The following SUGT1 variants were observed in gnomAD, a reference collection of about 807,000 sequenced individuals.
SUGT1 encodes protein SGT1 homolog.
SUGT1 carries 15 observed loss-of-function variants against 56.1 expected under a neutral mutation model. The observed-to-expected ratio is 0.27, with a 90% CI of 0.18 to 0.41. SUGT1 has a LOEUF of 0.41. Among genes scored for constraint, SUGT1 ranks in the 10% least tolerant of loss-of-function variants. The probability of loss-of-function intolerance (pLI) is 1.00; values close to 1 mark genes in which losing one functional copy is unlikely to be tolerated. For synonymous variants in SUGT1, 123 were observed against 128.6 expected (o/e 0.96, Z 0.30); for missense variants, 347 against 382.2 (o/e 0.91, Z 0.77).
chr13:52,695,275 A>G lies in SUGT1; in HGVS notation c.*7440A>G, dbSNP rs1365943428. 6.6e-6 allele frequency: 1 copy of G among 152,138 alleles called. No homozygotes were observed. Among genetic ancestry groups the G allele is most frequent in the Non-Finnish European group, 1.5e-5 (1 of 68,006 alleles). 9.4% of individuals were successfully genotyped at this position (152,138 alleles called of 1,614,324 possible). A position where few individuals can be genotyped will look rare whatever the true frequency, so the allele number is the denominator to read the frequency against. On this transcript the variant is annotated 3_prime_UTR_variant, in exon 13 of 13. Transcript: ENST00000310528. ...TGAGTGCATTTCCTTTATTATTGTT[A>G]TTATTTTGCTATTTCAAAACAATTG...
At chr13:52,655,805 G>A (rs771748984) in intron 2 of SUGT1, among the ~76,000 whole-genome samples, 12 of 152,176 alleles carry the variant, frequency 7.9e-5, no homozygotes, top group Non-Finnish European at 1.6e-4. Context: ...GACATTTCAG[G>A]TAAAGTTTAG....
chr13:52,683,444 A>C (rs1415401783), intron 12 of SUGT1, among the ~76,000 whole-genome samples: 2 of 152,194 alleles, frequency 1.3e-5, no homozygotes, highest in East Asian at 3.8e-4. Context: ...AAGTATTGAG[A>C]CAGTCTTGCA....
At chr13:52,668,267 A>G (rs1962798015) in intron 10 of SUGT1, among the ~76,000 whole-genome samples, 1 of 152,174 alleles carries the variant, frequency 6.6e-6, no homozygotes, top group Non-Finnish European at 1.5e-5. Flanking sequence ...GGTGTGAGCC[A>G]CTGCACCTGG....
At chr13:52,658,175 G>T in intron 3 of SUGT1, 1 of 1,472,942 alleles carries the variant, frequency 6.8e-7, no homozygotes, top group Non-Finnish European at 9.0e-7. Context: ...TGACACAGCT[G>T]TATTCATTGA....
In SUGT1 at chr13:52,652,881, A is replaced by T. The variant is rs1188938072; in HGVS notation, c.-40A>T. 7 of 1,605,894 alleles carry T rather than the reference A, an allele frequency of 4.4e-6. No individual in the cohort carries two copies. The highest frequency in any genetic ancestry group is 6.0e-6 in the Non-Finnish European group (7 of 1,175,706). On this transcript the variant is annotated 5_prime_UTR_variant, in exon 1 of 13. Transcript: ENST00000310528. ...GGCGGTGGTGGAGGTGGTAACCGTGATAGTAGCAGCTCCGGCGGCAGCAAC... is the reference window on the plus strand; with the variant it reads ...GGCGGTGGTGGAGGTGGTAACCGTGTTAGTAGCAGCTCCGGCGGCAGCAAC...
At position 52,657,452 on chromosome 13, in the gene SUGT1, T is replaced by C. The variant is rs528632405; in HGVS notation, c.97-80T>C. 8 of 1,195,494 alleles carry C rather than the reference T, an allele frequency of 6.7e-6. No homozygotes were observed. The South Asian group carries it at 1.0e-4, about 16-fold the overall frequency. 74.1% of individuals were successfully genotyped at this position (1,195,494 alleles called of 1,614,324 possible). On this transcript the variant is annotated intron_variant, in intron 2 of 12. Coordinates refer to ENST00000310528, the MANE Select transcript of SUGT1 (RefSeq NM_006704.5). Reference sequence around the variant, plus strand: ...AAATAGCTTCTGACAATAAGTTACTTGATTAAAAATTATGTTTTAATTAGA... The same window carrying C: ...AAATAGCTTCTGACAATAAGTTACTCGATTAAAAATTATGTTTTAATTAGA...
rs1489039700 is a variant in SUGT1, at chr13:52,663,916, T to C, written c.400-119T>C. On this transcript the variant is annotated intron_variant, in intron 7 of 12. Coordinates refer to ENST00000310528, the MANE Select transcript of SUGT1 (RefSeq NM_006704.5). ...AGAAAATTTTCATGTAGTTATTTTA[T>C]ATCAAAATAACTGCAGTGTTGGGTA... 5 of 948,344 alleles carry C rather than the reference T, an allele frequency of 5.3e-6. No homozygotes were observed. The African/African-American group carries it at 8.4e-5, about 16-fold the overall frequency. The allele number at this position is 948,344 out of a possible 1,614,324, so 58.7% of individuals were successfully genotyped here. A position where few individuals can be genotyped will look rare whatever the true frequency, so the allele number is the denominator to read the frequency against.
At chr13:52,659,699 G>A (rs1307936675) in intron 5 of SUGT1, among the ~76,000 whole-genome samples, 4 of 147,834 alleles carry the variant, frequency 2.7e-5, no homozygotes, top group African/African-American at 1.0e-4. Context: ...TGAGAGTATT[G>A]TGACTTTTAA....
At chr13:52,678,533 A>G (rs1314192012) in intron 11 of SUGT1, among the ~76,000 whole-genome samples, 3 of 152,226 alleles carry the variant, frequency 2.0e-5, no homozygotes, top group Non-Finnish European at 4.4e-5. Context: ...CTTTTGTCCA[A>G]CACAGTAGCT....
chr13:52,660,407 C>T (rs1962387602), intron 5 of SUGT1, among the ~76,000 whole-genome samples: 1 of 152,138 alleles, frequency 6.6e-6, no homozygotes, highest in South Asian at 2.1e-4. Flanking sequence ...ACTAAATATT[C>T]TATAATGCCC....
At chr13:52,668,802 G>T (rs1289419909) in intron 10 of SUGT1, among the ~76,000 whole-genome samples, 1 of 149,070 alleles carries the variant, frequency 6.7e-6, no homozygotes, top group Non-Finnish European at 1.5e-5. Context: ...TTGCACTCCA[G>T]CCTGGGCAAC....
chr13:52,699,172 C>CT lies in SUGT1; in HGVS notation c.*11338dup, dbSNP rs1964017454. 1 of 152,216 alleles carries CT rather than the reference C, an allele frequency of 6.6e-6. No individual in the cohort carries two copies. The highest frequency in any genetic ancestry group is 2.1e-4 in the South Asian group (1 of 4,814). The allele number at this position is 152,216 out of a possible 1,614,324, so 9.4% of individuals were successfully genotyped here. On this transcript the variant is annotated 3_prime_UTR_variant, in exon 13 of 13. Transcript: ENST00000310528. The stretch of plus-strand genomic sequence containing the variant: ...GAAATTAAAAGGTAGAGGAGAGATG[C>CT]TGAATGATGCTTTTTTTCTTCTTAA...
At position 52,692,930 on chromosome 13, in the gene SUGT1, A is replaced by G. The variant is rs1182682313; in HGVS notation, c.*5095A>G. Reference sequence around the variant, plus strand: ...GTTGCATGTGTAAGAAGACTGGTACATGATGCCAATGAAATTCTTTTTTTC... The same window carrying G: ...GTTGCATGTGTAAGAAGACTGGTACGTGATGCCAATGAAATTCTTTTTTTC... On this transcript the variant is annotated 3_prime_UTR_variant, in exon 13 of 13. Coordinates refer to ENST00000310528, the MANE Select transcript of SUGT1 (RefSeq NM_006704.5). 6.6e-6 allele frequency: 1 copy of G among 152,212 alleles called. No homozygotes were observed. The highest frequency in any genetic ancestry group is 1.5e-5 in the Non-Finnish European group (1 of 68,036). 9.4% of individuals were successfully genotyped at this position (152,212 alleles called of 1,614,324 possible).
At position 52,687,906 on chromosome 13, in the gene SUGT1, T is replaced by G. The variant is rs1963659377; in HGVS notation, c.*71T>G. ...CCATTGTGTATTGATATTGCATTCT[T>G]GAATTTTGAACACTGAATATCTTTT... On this transcript the variant is annotated 3_prime_UTR_variant, in exon 13 of 13. Transcript: ENST00000310528. 1 of 942,226 alleles carries G rather than the reference T, an allele frequency of 1.1e-6. No homozygotes were observed. The highest frequency in any genetic ancestry group is 1.5e-6 in the Non-Finnish European group (1 of 656,560). 58.4% of individuals were successfully genotyped at this position (942,226 alleles called of 1,614,324 possible).
rs1464999265 is a variant in SUGT1 at position 52,700,718 on chromosome 13, TCTC to T, written c.*12891_*12893del. ...TATGCATGTAGACTTTGGTCAACTC[TCTC>T]CTCCTCCCTCAATAAATCAGTTAAC... On this transcript the variant is annotated 3_prime_UTR_variant, in exon 13 of 13. Coordinates refer to ENST00000310528, the MANE Select transcript of SUGT1 (RefSeq NM_006704.5). The T allele has an allele frequency of 1.3e-5, 2 of 152,162 alleles. No individual in the cohort carries two copies. Among genetic ancestry groups the T allele is most frequent in the Admixed American group, 6.5e-5 (1 of 15,268 alleles). The allele number at this position is 152,162 out of a possible 1,614,324, so 9.4% of individuals were successfully genotyped here. A position where few individuals can be genotyped will look rare whatever the true frequency, so the allele number is the denominator to read the frequency against.
chr13:52,657,181 ATCT>A (rs1962207529), intron 2 of SUGT1, among the ~76,000 whole-genome samples: 2 of 152,204 alleles, frequency 1.3e-5, no homozygotes, highest in African/African-American at 4.8e-5. Flanking sequence ...TGGTGTTTGA[ATCT>A]TCTTCAAATT....
intron 8 of SUGT1, among the ~76,000 whole-genome samples, chr13:52,664,885 T>A (rs1288162628): frequency 6.6e-6 from 1 of 152,164 alleles, no homozygotes; most frequent in Non-Finnish European, 1.5e-5. Context: ...GACACTGTGC[T>A]TGGTCCTAGG....
chr13:52,662,125 G>C (rs979356476), intron 5 of SUGT1, among the ~76,000 whole-genome samples: 1 of 152,096 alleles, frequency 6.6e-6, no homozygotes, highest in Non-Finnish European at 1.5e-5. Context: ...AAAACTTCAC[G>C]GAATTTAAAG....
chr13:52,663,672 T>C (rs1026395797), intron 7 of SUGT1, among the ~76,000 whole-genome samples: 10 of 152,190 alleles, frequency 6.6e-5, no homozygotes, highest in African/African-American at 2.4e-4. Flanking sequence ...TAAAACAATG[T>C]TATTTTAGTT....
Sources: gnomAD v4.1 joint callset for allele counts (sites outside exome capture counted in the v4.1 genomes callset) on GRCh38, gnomAD v4.1.1 for gene constraint, MANE v1.5 for transcripts, NCBI Gene and HGNC (gene_info 2026-07-23, HGNC 2026-07-21) for gene names.